ERBB4: variants seen among roughly 807,000 people sequenced by gnomAD.
ERBB4 encodes receptor tyrosine-protein kinase erbB-4.
In ERBB4, 42 loss-of-function variants were observed where a neutral mutation model predicts 158.0. The observed-to-expected ratio is 0.27, with a 90% CI of 0.21 to 0.34. The LOEUF (loss-of-function observed/expected upper bound fraction) is 0.34. Ranked by LOEUF, ERBB4 falls within the 10% of genes least tolerant of loss-of-function variation. ERBB4 has a pLI of 1.00. For synonymous variants in ERBB4, 583 were observed against 558.7 expected, an observed-to-expected ratio of 1.04 and a Z score of -0.61; for missense variants, 1,333 against 1,624.1, an observed-to-expected ratio of 0.82 and a Z score of 3.08.
intron 1 of ERBB4, among the ~76,000 whole-genome samples, chr2:212,486,703 A>G (rs73067070): frequency 0.032 from 4,920 of 152,300 alleles, 276 homozygotes; most frequent in African/African-American, 0.11. Context: ...GTGGGAAAAC[A>G]AATCATCTCA....
chr2:211,805,275 G>C (rs1164706942), intron 3 of ERBB4, among the ~76,000 whole-genome samples: 1 of 145,284 alleles, frequency 6.9e-6, no homozygotes. Context: ...GCTGGAAGTT[G>C]GTCTGTGATC....
intron 1 of ERBB4, among the ~76,000 whole-genome samples, chr2:212,538,163 A>C (rs1693212159): frequency 6.6e-6 from 1 of 152,192 alleles, no homozygotes; most frequent in African/African-American, 2.4e-5. Flanking sequence ...GCGCCACCAG[A>C]AGGGATCCCG....
intron 5 of ERBB4, among the ~76,000 whole-genome samples, chr2:211,727,900 C>A (rs2074316020): frequency 6.6e-6 from 1 of 151,812 alleles, no homozygotes; most frequent in African/African-American, 2.4e-5. Context: ...TTACCATAAG[C>A]TTATAGAAGA....
At chr2:211,456,324 A>G (rs2064380583) in intron 20 of ERBB4, among the ~76,000 whole-genome samples, 1 of 152,206 alleles carries the variant, frequency 6.6e-6, no homozygotes. Context: ...CAATGTAAGG[A>G]TATAATATAC....
At chr2:212,099,571 T>C (rs1465545519) in intron 2 of ERBB4, among the ~76,000 whole-genome samples, 1 of 152,154 alleles carries the variant, frequency 6.6e-6, no homozygotes, top group African/African-American at 2.4e-5. Flanking sequence ...CTGCATGTGA[T>C]AGCCATAGAT....
At chr2:212,524,318 T>C (rs1200305826) in intron 1 of ERBB4, among the ~76,000 whole-genome samples, 3 of 152,030 alleles carry the variant, frequency 2.0e-5, no homozygotes, top group Admixed American at 2.0e-4. Flanking sequence ...AAATTGTAGA[T>C]GTAGTGACCT....
Position 211,516,183 on chromosome 2 carries a change from T to C in ERBB4, c.2487+45720A>G, listed in dbSNP as rs2066026560. Among the ~76,000 whole-genome samples, 3 of 151,736 alleles carry C rather than the reference T, an allele frequency of 2.0e-5. No individual in the cohort carries two copies. The South Asian group carries it at 6.2e-4, about 31-fold the overall frequency. ...CGCCCGCCTCGGCCTCCCAAAGTGC[T>C]GGGATTACAAGCGTGAGCCACTGCG... On this transcript the variant is annotated intron_variant, in intron 20 of 27. Transcript: ENST00000342788.
chr2:211,528,231 T>C (rs1312159645), intron 20 of ERBB4, among the ~76,000 whole-genome samples: 2 of 151,918 alleles, frequency 1.3e-5, no homozygotes, highest in Non-Finnish European at 2.9e-5. Flanking sequence ...CAAAATAGAT[T>C]TCAAGACAAA....
chr2:212,259,700 A>G (rs2084863531), intron 1 of ERBB4, among the ~76,000 whole-genome samples: 1 of 152,202 alleles, frequency 6.6e-6, no homozygotes, highest in Admixed American at 6.5e-5. Flanking sequence ...CAAGAGTAAT[A>G]CTATTCCTCT....
At chr2:212,206,668 G>T (rs1360909318) in intron 1 of ERBB4, among the ~76,000 whole-genome samples, 1 of 147,134 alleles carries the variant, frequency 6.8e-6, no homozygotes, top group Non-Finnish European at 1.5e-5. Flanking sequence ...CTCACTGCAA[G>T]CTCCGCCTCC....
At chr2:211,939,446 C>G (rs1050076013) in intron 3 of ERBB4, among the ~76,000 whole-genome samples, 8 of 151,504 alleles carry the variant, frequency 5.3e-5, no homozygotes, top group African/African-American at 1.9e-4. Context: ...ACTTCCATAA[C>G]ATATGGGATA....
At chr2:212,535,413 T>A (rs1283374) in intron 1 of ERBB4, among the ~76,000 whole-genome samples, 2 of 152,142 alleles carry the variant, frequency 1.3e-5, no homozygotes, top group African/African-American at 4.8e-5. Context: ...AATAACCCCA[T>A]GATTTTGGAG....
At chr2:212,347,205 G>C (rs575317350) in intron 1 of ERBB4, among the ~76,000 whole-genome samples, 5 of 152,036 alleles carry the variant, frequency 3.3e-5, no homozygotes, top group Non-Finnish European at 7.4e-5. Flanking sequence ...AATGCCAAAG[G>C]AAGAAAAATG....
intron 3 of ERBB4, among the ~76,000 whole-genome samples, chr2:211,860,856 T>G (rs1483904156): frequency 6.9e-6 from 1 of 144,472 alleles, no homozygotes; most frequent in Non-Finnish European, 1.5e-5. Context: ...GGCATGAAAA[T>G]AAATCATTAA....
At chr2:212,437,320 G>A (rs2092159588) in intron 1 of ERBB4, among the ~76,000 whole-genome samples, 1 of 151,900 alleles carries the variant, frequency 6.6e-6, no homozygotes, top group Non-Finnish European at 1.5e-5. Context: ...CAAACTAAAG[G>A]ATTTCACATT....
rs550161220 is a variant in ERBB4, at chr2:211,796,856, G to A, written c.422-8697C>T. On this transcript the variant is annotated intron_variant, in intron 3 of 27. Transcript: ENST00000342788. Reference sequence around the variant, plus strand: ...ACAATTTAGTAAAATAATTTATCAGGTGTAACCCTCATAACTTATTTTTGT... The same window carrying A: ...ACAATTTAGTAAAATAATTTATCAGATGTAACCCTCATAACTTATTTTTGT... Among the ~76,000 whole-genome samples the A allele has an allele frequency of 3.3e-5, 5 of 151,918 alleles. No individual in the cohort carries two copies. In the South Asian group the frequency reaches 1.0e-3, roughly 32 times the overall value.
intron 3 of ERBB4, among the ~76,000 whole-genome samples, chr2:211,927,623 A>G (rs901526949): frequency 6.6e-6 from 1 of 152,200 alleles, no homozygotes; most frequent in Admixed American, 6.6e-5. Context: ...CATGACAGCC[A>G]CATATGCTTT....
chr2:212,204,579 C>A (rs765499475), intron 1 of ERBB4, among the ~76,000 whole-genome samples: 8 of 151,652 alleles, frequency 5.3e-5, no homozygotes, highest in Non-Finnish European at 1.2e-4. Flanking sequence ...TGCCTTTAGT[C>A]CCCGCTACTT....
chr2:211,557,090 C>T (rs1391700822), intron 20 of ERBB4, among the ~76,000 whole-genome samples: 2 of 152,126 alleles, frequency 1.3e-5, no homozygotes, highest in African/African-American at 2.4e-5. Context: ...GGACCCCTTC[C>T]TTACACCATA....
Sources: gnomAD v4.1 joint callset for allele counts (sites outside exome capture counted in the v4.1 genomes callset) on GRCh38, gnomAD v4.1.1 for gene constraint, MANE v1.5 for transcripts, NCBI Gene and HGNC (gene_info 2026-07-23, HGNC 2026-07-21) for gene names.